Variants in VCPIP1 observed in about 807,000 individuals in gnomAD.
VCPIP1 encodes the protein deubiquitinating protein VCPIP1.
A neutral mutation model predicts 85.0 loss-of-function variants in VCPIP1; 8 were observed. The observed-to-expected ratio is 0.09, with a 90% CI of 0.06 to 0.17. The LOEUF (loss-of-function observed/expected upper bound fraction) is 0.17, where lower values mean the gene tolerates loss of function less well. VCPIP1 is among the 10% of genes least tolerant of loss of function. The pLI is 1.00. For missense variants in VCPIP1, 1,070 were observed against 1,486.3 expected (o/e 0.72, Z 4.61); for synonymous variants, 543 against 544.5 (o/e 1.00, Z 0.04).
At chr8:66,662,841 A>T (rs116875565) in intron 1 of VCPIP1, among the ~76,000 whole-genome samples, 4,208 of 151,978 alleles carry the variant, frequency 0.028, 77 homozygotes, top group Middle Eastern at 0.041. Context: ...GCCACCTAGG[A>T]TTTGTATTTA....
At chr8:66,637,099 C>T (rs537329267) in intron 2 of VCPIP1, among the ~76,000 whole-genome samples, 3 of 152,062 alleles carry the variant, frequency 2.0e-5, no homozygotes, top group Admixed American at 6.5e-5. Context: ...GAGGCTGAGG[C>T]GGGAGGATCG....
At chr8:66,654,971 C>T (rs1395560625) in intron 1 of VCPIP1, among the ~76,000 whole-genome samples, 2 of 152,194 alleles carry the variant, frequency 1.3e-5, no homozygotes, top group Admixed American at 6.5e-5. Flanking sequence ...CAATGTTATA[C>T]CACCACACAA....
At chr8:66,642,444 CTT>C (rs912033592) in intron 2 of VCPIP1, among the ~76,000 whole-genome samples, 23 of 151,882 alleles carry the variant, frequency 1.5e-4, no homozygotes, top group African/African-American at 3.6e-4. Flanking sequence ...ATTTTTTTCT[CTT>C]GTTATTTATG....
intron 1 of VCPIP1, among the ~76,000 whole-genome samples, chr8:66,653,062 T>C (rs201569936): frequency 6.6e-6 from 1 of 152,350 alleles, no homozygotes; most frequent in South Asian, 2.1e-4. Flanking sequence ...TATGTGGCAG[T>C]TGGCTAAACT....
chr8:66,651,064 A>C (rs943671936), intron 2 of VCPIP1, among the ~76,000 whole-genome samples: 3 of 150,526 alleles, frequency 2.0e-5, no homozygotes, highest in Non-Finnish European at 4.4e-5. Flanking sequence ...ACATGCCTAT[A>C]ATCCTAGCTA....
Position 66,634,629 on chromosome 8 carries a change from C to A in VCPIP1, c.3541G>T (p.Asp1181Tyr), listed in dbSNP as rs1283432936. ...NTETTDGCVADALGAAFATRS... is the reference protein window; with the variant it reads ...NTETTDGCVAYALGAAFATRS... ...GTGGCAAAGGCTGCTCCCAGTGCAT[C>A]TGCTACACAGCCATCAGTTGTTTCT... The change falls in exon 3 of 3, where the codon GAT (aspartate) becomes TAT (tyrosine). Residue 1181 changes from aspartate (D) to tyrosine (Y), a missense_variant. Coordinates refer to ENST00000310421, the MANE Select transcript of VCPIP1 (RefSeq NM_025054.5). The A allele has an allele frequency of 1.9e-6, 3 of 1,614,112 alleles. No homozygotes were observed. The highest frequency in any genetic ancestry group is 2.5e-6 in the Non-Finnish European group (3 of 1,180,044).
intron 2 of VCPIP1, among the ~76,000 whole-genome samples, chr8:66,649,020 G>A (rs753651943): frequency 2.6e-5 from 4 of 152,026 alleles, no homozygotes; most frequent in Admixed American, 6.6e-5. Context: ...AAAATTAGTC[G>A]GGCATGGTGG....
At chr8:66,649,401 A>T (rs1563569012) in intron 2 of VCPIP1, among the ~76,000 whole-genome samples, 1 of 152,016 alleles carries the variant, frequency 6.6e-6, no homozygotes, top group Non-Finnish European at 1.5e-5. Context: ...GGTCCCAGCT[A>T]CTTGGGAGGC....
chr8:66,640,804 C>A (rs751405025), intron 2 of VCPIP1, among the ~76,000 whole-genome samples: 16 of 152,158 alleles, frequency 1.1e-4, no homozygotes, highest in Admixed American at 2.6e-4. Flanking sequence ...GCTCCCCACC[C>A]CACTGAGAGC....
Position 66,632,518 on chromosome 8 carries a change from G to A in VCPIP1, c.*1983C>T, listed in dbSNP as rs950583210. 6.6e-6 allele frequency: 1 copy of A among 152,094 alleles called. No individual in the cohort carries two copies. The highest frequency in any genetic ancestry group is 1.5e-5 in the Non-Finnish European group (1 of 67,930). 9.4% of individuals were successfully genotyped at this position (152,094 alleles called of 1,614,324 possible). On this transcript the variant is annotated 3_prime_UTR_variant, in exon 3 of 3. Coordinates refer to ENST00000310421, the MANE Select transcript of VCPIP1 (RefSeq NM_025054.5). Reference sequence around the variant, plus strand: ...ATACGCATTCCAATTTGCACTAAATGTAAGAATAGGGAGATAAAGTTTGTT... The same window carrying A: ...ATACGCATTCCAATTTGCACTAAATATAAGAATAGGGAGATAAAGTTTGTT...
rs1008767665 is a variant in VCPIP1, at chr8:66,666,263, C to T, written c.696G>A (p.Glu232=). ...TCTCTCTTAAGGCATGCCAGAAGAG[C>T]TCTCGGCCTACTAGAGCCCGAGACA... The part of the protein sequence containing the change: ...HAVSRALVGR[E]LFWHALRENL... Residue 232 remains glutamate (E), a synonymous_variant, in exon 1 of 3, where the codon GAG becomes GAA. Transcript: ENST00000310421. The surrounding 1 kb of genome is among the most constrained non-coding windows in gnomAD (Gnocchi z 6.3). The T allele has an allele frequency of 6.2e-7, 1 of 1,614,066 alleles. No homozygotes were observed. Among genetic ancestry groups the T allele is most frequent in the Admixed American group, 1.7e-5 (1 of 60,012 alleles).
chr8:66,638,936 TTCTCTCTCTCTCTCTC>T (rs750894538), intron 2 of VCPIP1, among the ~76,000 whole-genome samples: 1 of 131,628 alleles, frequency 7.6e-6, no homozygotes, highest in Non-Finnish European at 1.5e-5. Context: ...CAAGAAAACT[TTCTCTCTCTCTCTCTC>T]TCTCTCTCTC....
At chr8:66,654,199 A>G (rs575995570) in intron 1 of VCPIP1, among the ~76,000 whole-genome samples, 1 of 152,328 alleles carries the variant, frequency 6.6e-6, no homozygotes, top group East Asian at 1.9e-4. Context: ...TGAAGGTCAA[A>G]TTGGCCAGGC....
At position 66,665,992 on chromosome 8, in the gene VCPIP1, G is replaced by C; in HGVS notation, c.967C>G (p.Leu323Val). ...TTCTCTGCAGGGATGAGCCCAGGTA[G>C]AAAGGTGGCTGAATAATCACCAGAG... ...RSSGDYSATF[L>V]PGLIPAEKCT... Residue 323 changes from leucine (L) to valine (V), a missense_variant, in exon 1 of 3, where the codon CTA becomes GTA. By Grantham distance (32) the Leu-to-Val change is conservative. Transcript: ENST00000310421. This position sits in a 1 kb window ranked among gnomAD's most constrained non-coding sequence, Gnocchi z 4.3. 1 of 1,614,202 alleles carries C rather than the reference G, an allele frequency of 6.2e-7. No individual in the cohort carries two copies. Among genetic ancestry groups the C allele is most frequent in the Non-Finnish European group, 8.5e-7 (1 of 1,180,054 alleles).
Position 66,664,354 on chromosome 8 carries a change from C to A in VCPIP1, c.2605G>T (p.Val869Leu), listed in dbSNP as rs770145919. 1 of 1,613,604 alleles carries A rather than the reference C, an allele frequency of 6.2e-7. No individual in the cohort carries two copies. Among genetic ancestry groups the A allele is most frequent in the East Asian group, 2.2e-5 (1 of 44,868 alleles). ...GTAACAGCAATATCTTCTTGTTTCA[C>A]AGTGTGGGCTGAGTGTGCTGCAGCA... ...QSAAAHSAHT[V>L]KQEDIAVTGK... Residue 869 changes from valine (V) to leucine (L), a missense_variant, in exon 1 of 3, where the codon GTG (valine) becomes TTG (leucine). This residue lies in a region of VCPIP1 where 278 missense variants were observed against 298.5 expected (regional missense o/e 0.93). Coordinates refer to ENST00000310421, the MANE Select transcript of VCPIP1 (RefSeq NM_025054.5).
intron 1 of VCPIP1, among the ~76,000 whole-genome samples, chr8:66,661,894 G>A (rs1811161702): frequency 6.7e-6 from 1 of 150,114 alleles, no homozygotes; most frequent in Non-Finnish European, 1.5e-5. Context: ...CTCCTGACAA[G>A]CTGGGACTAC....
intron 1 of VCPIP1, among the ~76,000 whole-genome samples, chr8:66,654,856 A>G (rs1170172872): frequency 6.6e-6 from 1 of 152,222 alleles, no homozygotes; most frequent in African/African-American, 2.4e-5. Flanking sequence ...ATGGTTCCCC[A>G]ATGCCGTATG....
rs1810870536 is a variant in VCPIP1 at position 66,634,993 on chromosome 8, G to C, written c.3177C>G (p.Asp1059Glu). The change falls in exon 3 of 3, where the codon GAC becomes GAG. Residue 1059 changes from aspartate to glutamate, a missense_variant. Around this residue, in one of 8 missense-constraint regions of VCPIP1, gnomAD observed 255 missense variants for 289.5 expected, o/e 0.88. Transcript: ENST00000310421. ...CTGTTTTAGTGGAACTATTACTAAA[G>C]TCTGTCCCTGTATTATGCTTTCTTA... ...SVVRKHNTGT[D>E]FSNSSTKTEP... 1 of 1,613,580 alleles carries C rather than the reference G, an allele frequency of 6.2e-7. No individual in the cohort carries two copies. The highest frequency in any genetic ancestry group is 8.5e-7 in the Non-Finnish European group (1 of 1,179,582).
chr8:66,651,783 G>A (rs1563569577), intron 1 of VCPIP1, among the ~76,000 whole-genome samples: 1 of 152,090 alleles, frequency 6.6e-6, no homozygotes, highest in Non-Finnish European at 1.5e-5. Flanking sequence ...CACGCCTAGT[G>A]TCTCAAGACC....
Sources: allele counts gnomAD v4.1 joint callset (sites outside exome capture counted in the v4.1 genomes callset), GRCh38; gene constraint gnomAD v4.1.1; regional missense constraint gnomAD v4.1.1; non-coding constraint Gnocchi (gnomAD v3.1); transcripts MANE v1.5; gene names NCBI Gene and HGNC (gene_info 2026-07-23, HGNC 2026-07-21).